PDE3A: variants seen among roughly 807,000 people sequenced by gnomAD.
PDE3A encodes cGMP-inhibited 3',5'-cyclic phosphodiesterase 3A.
PDE3A carries 43 observed loss-of-function variants against 98.3 expected under a neutral mutation model. The ratio of observed to expected loss-of-function variants is 0.44; its 90% CI spans 0.34 to 0.56. The LOEUF is 0.56. PDE3A is among the 20% of genes least tolerant of loss of function. PDE3A has a pLI of 0.01. For missense variants in PDE3A, 1,427 were observed against 1,440.7 expected (o/e 0.99, Z 0.15); for synonymous variants, 663 against 567.9 (o/e 1.17, Z -2.38).
At chr12:20,508,610 C>T (rs1259020188) in intron 1 of PDE3A, among the ~76,000 whole-genome samples, 3 of 151,618 alleles carry the variant, frequency 2.0e-5, no homozygotes, top group Non-Finnish European at 4.4e-5. Flanking sequence ...GACGTCATAC[C>T]CTTTAAAGTC....
intron 1 of PDE3A, among the ~76,000 whole-genome samples, chr12:20,505,546 T>G (rs1452206419): frequency 2.0e-5 from 3 of 152,098 alleles, no homozygotes; most frequent in African/African-American, 7.2e-5. Flanking sequence ...GGTGAATCTT[T>G]GCACATTACT....
intron 2 of PDE3A, among the ~76,000 whole-genome samples, chr12:20,561,564 C>CT (rs1015602349): frequency 2.6e-5 from 4 of 151,768 alleles, no homozygotes; most frequent in South Asian, 4.2e-4. Flanking sequence ...ATGTCAGGTA[C>CT]TTTTTTTTAG....
At chr12:20,500,062 AGTCTCTGCCACCT>A (rs1945994696) in intron 1 of PDE3A, among the ~76,000 whole-genome samples, 1 of 152,212 alleles carries the variant, frequency 6.6e-6, no homozygotes, top group African/African-American at 2.4e-5. Flanking sequence ...AAGAAGCAAG[AGTCTCTGCCACCT>A]GTCTAGGTTT....
chr12:20,383,750 G>A (rs1389308533), intron 1 of PDE3A, among the ~76,000 whole-genome samples: 2 of 151,958 alleles, frequency 1.3e-5, no homozygotes, highest in African/African-American at 4.8e-5. Context: ...TGTGACAGAA[G>A]ATGGAAAAAG....
intron 1 of PDE3A, among the ~76,000 whole-genome samples, chr12:20,521,622 T>A (rs1946429319): frequency 6.6e-6 from 1 of 152,218 alleles, no homozygotes; most frequent in Non-Finnish European, 1.5e-5. Context: ...CAAATGCTCA[T>A]GGAAATGTCT....
intron 15 of PDE3A, among the ~76,000 whole-genome samples, chr12:20,662,319 C>T (rs992409360): frequency 6.6e-6 from 1 of 151,708 alleles, no homozygotes; most frequent in African/African-American, 2.4e-5. Context: ...GAGGTGGTCT[C>T]AGATAAAGAT....
At chr12:20,521,484 G>A (rs1946426139) in intron 1 of PDE3A, among the ~76,000 whole-genome samples, 2 of 152,238 alleles carry the variant, frequency 1.3e-5, no homozygotes, top group African/African-American at 2.4e-5. Context: ...TGTCTTATCA[G>A]TGTGTTTCAT....
chr12:20,576,724 G>A (rs1942940225), intron 2 of PDE3A, among the ~76,000 whole-genome samples: 9 of 152,102 alleles, frequency 5.9e-5, no homozygotes, highest in Admixed American at 5.9e-4. Flanking sequence ...TTGTCAAGTA[G>A]AACAATCTTC....
chr12:20,542,586 G>T (rs1941946942), intron 1 of PDE3A, among the ~76,000 whole-genome samples: 1 of 151,992 alleles, frequency 6.6e-6, no homozygotes, highest in African/African-American at 2.4e-5. Context: ...TACAGTCTGA[G>T]AAATTGTATG....
intron 5 of PDE3A, among the ~76,000 whole-genome samples, chr12:20,621,931 G>A (rs1050548824): frequency 2.0e-5 from 3 of 152,030 alleles, no homozygotes; most frequent in Non-Finnish European, 4.4e-5. Context: ...ACTGTAAAAG[G>A]AGTTTTTGTC....
chr12:20,596,279 T>C (rs887195893), intron 2 of PDE3A, among the ~76,000 whole-genome samples: 1 of 152,212 alleles, frequency 6.6e-6, no homozygotes, highest in Non-Finnish European at 1.5e-5. Flanking sequence ...TCCTCCTTTA[T>C]TCAGCAACAC....
At chr12:20,666,568 A>T (rs567357777) in intron 15 of PDE3A, among the ~76,000 whole-genome samples, 3 of 152,232 alleles carry the variant, frequency 2.0e-5, no homozygotes, top group African/African-American at 7.2e-5. Context: ...ATTTAACATA[A>T]TGATCTCCAG....
At chr12:20,486,432 G>A (rs1484511675) in intron 1 of PDE3A, among the ~76,000 whole-genome samples, 2 of 152,102 alleles carry the variant, frequency 1.3e-5, no homozygotes, top group East Asian at 3.9e-4. Flanking sequence ...TTGACACATC[G>A]GAATCATGGG....
Position 20,552,037 on chromosome 12 carries a change from G to T in PDE3A, c.961-4623G>T. 1 of 1,612,414 alleles carries T rather than the reference G, an allele frequency of 6.2e-7. No individual in the cohort carries two copies. The highest frequency in any genetic ancestry group is 2.2e-5 in the East Asian group (1 of 44,880). On this transcript the variant is annotated intron_variant, in intron 1 of 15. Transcript: ENST00000359062. The surrounding 1 kb of genome is among the most constrained non-coding windows in gnomAD (Gnocchi z 5.1). ...CCTGGCGGGGGGCTACGAGGATGAC[G>T]TGGACCATGGGAATTTTTTCACATA...
rs540384080 is a variant in PDE3A, at chr12:20,442,497, G to A, written c.960+72253G>A. Among the ~76,000 whole-genome samples, 3 of 152,284 alleles carry A rather than the reference G, an allele frequency of 2.0e-5. No individual in the cohort carries two copies. The East Asian group carries it at 5.8e-4, about 29-fold the overall frequency. On this transcript the variant is annotated intron_variant, in intron 1 of 15. Transcript: ENST00000359062. ...CTCAGCACTTCTGGCTGGTAGTGAT[G>A]CATACCACTTGTTCATGCATTTCAC... is the stretch of plus-strand genomic sequence containing the variant.
intron 1 of PDE3A, among the ~76,000 whole-genome samples, chr12:20,517,319 A>G (rs1012450364): frequency 1.7e-4 from 26 of 152,182 alleles, no homozygotes; most frequent in Non-Finnish European, 2.8e-4. Context: ...CTGGTTCTTG[A>G]CCAGTTTATA....
chr12:20,377,786 C>A (rs553814939), intron 1 of PDE3A, among the ~76,000 whole-genome samples: 9 of 151,582 alleles, frequency 5.9e-5, no homozygotes, highest in African/African-American at 1.7e-4. Context: ...TAATAAAAGA[C>A]CTTTATATTA....
chr12:20,608,444 T>G (rs1331282469), intron 2 of PDE3A, among the ~76,000 whole-genome samples: 2 of 152,114 alleles, frequency 1.3e-5, no homozygotes, highest in African/African-American at 4.8e-5. Flanking sequence ...ATAAGGATAA[T>G]TTGTCTCTCG....
At chr12:20,646,725 C>A in intron 11 of PDE3A, 26 bp from the exon 12 acceptor site, 1 of 1,543,928 alleles carries the variant, frequency 6.5e-7, no homozygotes, top group Non-Finnish European at 8.9e-7. Context: ...TTAAAAACTT[C>A]TTTGACTCTC....
Sources: allele counts gnomAD v4.1 joint callset (sites outside exome capture counted in the v4.1 genomes callset), GRCh38; gene constraint gnomAD v4.1.1; non-coding constraint Gnocchi (gnomAD v3.1); transcripts MANE v1.5; gene names NCBI Gene and HGNC (gene_info 2026-07-23, HGNC 2026-07-21).